FRK: variants seen among roughly 807,000 people sequenced by gnomAD.
FRK encodes tyrosine-protein kinase FRK.
In FRK, 51 loss-of-function variants were observed where a neutral mutation model predicts 56.4. The observed-to-expected ratio is 0.90, with a 90% CI of 0.72 to 1.14. The LOEUF (loss-of-function observed/expected upper bound fraction) is 1.14. FRK is among the 50% of genes most tolerant of loss of function. FRK has a pLI of 0.00. For missense variants in FRK, 570 were observed against 601.4 expected (o/e 0.95, Z 0.55); for synonymous variants, 245 against 217.9 (o/e 1.12, Z -1.10).
At chr6:116,085,676 C>T in the FRK span, among the ~76,000 whole-genome samples, 8 of 152,210 alleles carry the variant, frequency 5.3e-5, no homozygotes, top group Admixed American at 1.3e-4. Context: ...ATCCCCCCAT[C>T]ACCACATGCA....
the FRK span, among the ~76,000 whole-genome samples, chr6:116,086,086 A>G: frequency 6.6e-6 from 1 of 151,942 alleles, no homozygotes; most frequent in South Asian, 2.1e-4. Flanking sequence ...GCTCACTGTA[A>G]GCTCCGCCTC....
Position 115,940,206 on chromosome 6 carries a change from C to T in FRK, c.*2208G>A, listed in dbSNP as rs1040106253. 6 of 152,142 alleles carry T rather than the reference C, an allele frequency of 3.9e-5. No homozygotes were observed. The highest frequency in any genetic ancestry group is 1.4e-4 in the African/African-American group (6 of 41,422). The allele number at this position is 152,142 out of a possible 1,614,324, so 9.4% of individuals were successfully genotyped here. On this transcript the variant is annotated 3_prime_UTR_variant, in exon 8 of 8. Coordinates refer to ENST00000606080, the MANE Select transcript of FRK (RefSeq NM_002031.3). ...CTACAACCATCTGATCTTTGACAAA[C>T]CTTACAAAAACAACCAATGGGGAAA... is the stretch of plus-strand genomic sequence containing the variant.
chr6:116,044,576 A>AT (rs1295471227), intron 1 of FRK, among the ~76,000 whole-genome samples: 3 of 152,234 alleles, frequency 2.0e-5, no homozygotes, highest in Non-Finnish European at 4.4e-5. Context: ...TATTGATGAA[A>AT]TGTATCTCAA....
At chr6:116,078,158 T>C in the FRK span, among the ~76,000 whole-genome samples, 1 of 152,166 alleles carries the variant, frequency 6.6e-6, no homozygotes, top group African/African-American at 2.4e-5. Flanking sequence ...AAAACTCCAT[T>C]TCATAAATAA....
chr6:115,938,450 G>C lies in FRK; in HGVS notation c.*3964C>G, dbSNP rs1431876251. On this transcript the variant is annotated 3_prime_UTR_variant, in exon 8 of 8. Transcript: ENST00000606080. ...CAAGAGCAAACAAATTCAAAAGCTA[G>C]CAGAAGACAAGAAATAACTAAGATC... 1 of 152,140 alleles carries C rather than the reference G, an allele frequency of 6.6e-6. No individual in the cohort carries two copies. Among genetic ancestry groups the C allele is most frequent in the Middle Eastern group, 3.2e-3 (1 of 316 alleles). The allele number at this position is 152,140 out of a possible 1,614,324, so 9.4% of individuals were successfully genotyped here.
Position 115,968,662 on chromosome 6 carries a change from T to C in FRK, c.544A>G (p.Ile182Val), listed in dbSNP as rs1317801168. The C allele has an allele frequency of 1.2e-6, 2 of 1,613,748 alleles. No homozygotes were observed. Among genetic ancestry groups the C allele is most frequent in the Non-Finnish European group, 1.7e-6 (2 of 1,179,846 alleles). ...ACAAATTCGTTCAGTGTTGAAAAGA[T>C]TCTTCTTCGCGTGAGAAAAAATCCC... The part of the protein sequence containing the change: ...EGGFFLTRRR[I>V]FSTLNEFVSH... Residue 182 changes from isoleucine to valine, a missense_variant, in exon 3 of 8, where the codon ATC becomes GTC. Physicochemically the swap from Ile to Val is conservative, Grantham distance 29. Transcript: ENST00000606080.
chr6:116,002,716 T>A, intron 2 of FRK: 1 of 455,808 alleles, frequency 2.2e-6, no homozygotes, highest in South Asian at 1.6e-5. Flanking sequence ...GTAGTGAAGT[T>A]GAATCCATGT....
chr6:115,998,035 G>A (rs1237373046), intron 2 of FRK, among the ~76,000 whole-genome samples: 1 of 152,180 alleles, frequency 6.6e-6, no homozygotes, highest in Non-Finnish European at 1.5e-5. Context: ...CAGTCCTTGG[G>A]CGACTCCCAT....
At chr6:115,971,152 C>T (rs1283156945) in intron 2 of FRK, among the ~76,000 whole-genome samples, 3 of 152,074 alleles carry the variant, frequency 2.0e-5, no homozygotes, top group Admixed American at 2.0e-4. Flanking sequence ...TCTTTATGAA[C>T]AAATGGGGAA....
intron 2 of FRK, among the ~76,000 whole-genome samples, chr6:115,978,018 A>T (rs1774049967): frequency 1.3e-5 from 2 of 152,182 alleles, no homozygotes; most frequent in Admixed American, 6.6e-5. Flanking sequence ...TTTCCCATGA[A>T]AACAGCATTT....
At chr6:115,952,472 T>C in intron 5 of FRK, among the ~76,000 whole-genome samples, 1 of 152,088 alleles carries the variant, frequency 6.6e-6, no homozygotes, top group Non-Finnish European at 1.5e-5. Context: ...ACACTCTTGG[T>C]GGGACTGTAA....
At chr6:116,038,978 T>C (rs4628134) in intron 1 of FRK, 157,175 of 706,242 alleles carry the variant, frequency 0.22, 20,622 homozygotes, top group Non-Finnish European at 0.28. Flanking sequence ...GGGCCTTTAC[T>C]TGGGAGATCA....
intron 2 of FRK, among the ~76,000 whole-genome samples, chr6:115,977,169 G>A (rs1050287114): frequency 7.9e-5 from 12 of 152,130 alleles, no homozygotes; most frequent in Non-Finnish European, 1.8e-4. Flanking sequence ...TAATTGATTT[G>A]TTATGTTGTA....
chr6:116,033,352 A>T (rs1562296401), intron 1 of FRK, among the ~76,000 whole-genome samples: 1 of 152,164 alleles, frequency 6.6e-6, no homozygotes, highest in Non-Finnish European at 1.5e-5. Context: ...TCCCTTTAAT[A>T]TAAAAATAAA....
chr6:115,984,446 T>G lies in FRK; in HGVS notation c.467-15707A>C, dbSNP rs139968958. 1.9e-3 allele frequency among the ~76,000 whole-genome samples: 284 copies of G among 152,120 alleles called. 13 individuals carry two copies. In the South Asian group the frequency reaches 0.037, roughly 20 times the overall value. On this transcript the variant is annotated intron_variant, in intron 2 of 7. Coordinates refer to ENST00000606080, the MANE Select transcript of FRK (RefSeq NM_002031.3). ...TGAAGCTGAGATGGCTTAAACAGTC[T>G]GTTCAAGACCACTCAACTATTAAGT...
intron 1 of FRK, among the ~76,000 whole-genome samples, chr6:116,017,385 C>A (rs1160989415): frequency 6.6e-6 from 1 of 152,132 alleles, no homozygotes; most frequent in African/African-American, 2.4e-5. Context: ...AGGCAAACAC[C>A]GAGCTGTAAC....
intron 1 of FRK, among the ~76,000 whole-genome samples, chr6:116,010,573 A>T (rs1366817626): frequency 6.6e-6 from 1 of 152,228 alleles, no homozygotes; most frequent in Admixed American, 6.5e-5. Flanking sequence ...CAGGATTTCA[A>T]ATCTGAATGA....
At chr6:116,070,134 TA>T in the FRK span, among the ~76,000 whole-genome samples, 17,261 of 136,884 alleles carry the variant, frequency 0.13, 1,163 homozygotes, top group African/African-American at 0.21. Flanking sequence ...GCCCATTATT[TA>T]AAAAAAAAAA....
chr6:115,982,055 G>T (rs1774217932), intron 2 of FRK, among the ~76,000 whole-genome samples: 1 of 152,122 alleles, frequency 6.6e-6, no homozygotes, highest in Non-Finnish European at 1.5e-5. Context: ...TATCTGTGAA[G>T]ATGTCTCCAG....
Sources: allele counts gnomAD v4.1 joint callset (sites outside exome capture counted in the v4.1 genomes callset), GRCh38; gene constraint gnomAD v4.1.1; transcripts MANE v1.5; gene names NCBI Gene and HGNC (gene_info 2026-07-23, HGNC 2026-07-21).